Variants in LRRC63 observed in about 807,000 individuals in gnomAD.
LRRC63 encodes leucine-rich repeat-containing protein 63.
A neutral mutation model predicts 49.5 loss-of-function variants in LRRC63; 40 were observed. That is an observed-to-expected ratio of 0.81 (90% CI 0.63 to 1.05). LRRC63 has a LOEUF of 1.05. Among genes scored for constraint, LRRC63 ranks in the 50% least tolerant of loss-of-function variants. LRRC63 has a pLI of 0.00. For missense variants in LRRC63, 636 were observed against 663.1 expected, an observed-to-expected ratio of 0.96 and a Z score of 0.45; for synonymous variants, 191 against 221.1, an observed-to-expected ratio of 0.86 and a Z score of 1.21.
chr13:46,253,215 T>TA (rs915854258), intron 7 of LRRC63, among the ~76,000 whole-genome samples: 42 of 141,256 alleles, frequency 3.0e-4, no homozygotes, highest in East Asian at 1.0e-3. Flanking sequence ...AAAGTCAAAG[T>TA]AAAAAAAAAA....
chr13:46,247,736 T>G (rs1434068313), intron 6 of LRRC63, among the ~76,000 whole-genome samples: 2 of 152,142 alleles, frequency 1.3e-5, no homozygotes, highest in Non-Finnish European at 2.9e-5. Flanking sequence ...ATTCAAATTA[T>G]TACCGATTTC....
At chr13:46,215,382 CAT>C (rs1449183276) in intron 2 of LRRC63, among the ~76,000 whole-genome samples, 4 of 152,066 alleles carry the variant, frequency 2.6e-5, no homozygotes, top group African/African-American at 9.7e-5. Context: ...AGCTTTTTTT[CAT>C]ATGTTTGTTG....
intron 8 of LRRC63, among the ~76,000 whole-genome samples, chr13:46,263,607 C>T (rs577854176): frequency 2.1e-4 from 32 of 152,262 alleles, no homozygotes; most frequent in African/African-American, 7.0e-4. Flanking sequence ...TTCCACTGTT[C>T]GTTGAGACCT....
intron 5 of LRRC63, 83 bp from the exon 6 acceptor site, chr13:46,246,444 G>A (rs1044443397): frequency 1.8e-6 from 1 of 552,866 alleles, no homozygotes. Flanking sequence ...TTCAAATTAT[G>A]TGCTGATTTT....
intron 7 of LRRC63, among the ~76,000 whole-genome samples, chr13:46,253,628 C>T (rs1443348575): frequency 1.3e-5 from 2 of 152,108 alleles, no homozygotes; most frequent in African/African-American, 4.8e-5. Flanking sequence ...AGAGCTTGGA[C>T]TCCTCAAAGG....
chr13:46,241,077 T>C (rs778461986), intron 5 of LRRC63, among the ~76,000 whole-genome samples: 3 of 152,180 alleles, frequency 2.0e-5, no homozygotes, highest in Non-Finnish European at 4.4e-5. Context: ...CTACCTGCCT[T>C]CGTACTATAC....
intron 7 of LRRC63, among the ~76,000 whole-genome samples, chr13:46,251,179 A>G (rs548881297): frequency 1.7e-4 from 26 of 152,058 alleles, no homozygotes; most frequent in African/African-American, 6.3e-4. Flanking sequence ...TTGCAAAATA[A>G]GAGTCTTATC....
chr13:46,223,492 T>G (rs570151794), intron 2 of LRRC63, among the ~76,000 whole-genome samples: 22 of 151,718 alleles, frequency 1.5e-4, no homozygotes, highest in Admixed American at 1.0e-3. Flanking sequence ...TTGTTTTTTT[T>G]TTTTTTTAAT....
Position 46,244,249 on chromosome 13 carries a change from G to A in LRRC63, c.991-2278G>A, listed in dbSNP as rs1213227956. Among the ~76,000 whole-genome samples, 4 of 152,050 alleles carry A rather than the reference G, an allele frequency of 2.6e-5. No individual in the cohort carries two copies. The East Asian group carries it at 7.7e-4, about 29-fold the overall frequency. ...AAGGGGCTAAATGTATATATCTATT[G>A]TAAGGTTCTTTTTTTTTCTTACCCT... On this transcript the variant is annotated intron_variant, in intron 5 of 9. Transcript: ENST00000595396.
intron 2 of LRRC63, among the ~76,000 whole-genome samples, chr13:46,223,188 G>A (rs1300861624): frequency 6.6e-6 from 1 of 151,334 alleles, no homozygotes; most frequent in Non-Finnish European, 1.5e-5. Flanking sequence ...TTGTGCACAT[G>A]TACCCTAAAA....
intron 2 of LRRC63, among the ~76,000 whole-genome samples, chr13:46,223,933 G>A (rs2146887): frequency 0.15 from 22,369 of 152,106 alleles, 2,081 homozygotes; most frequent in African/African-American, 0.26. Context: ...GTCTGATGGG[G>A]TTTCTTTATT....
At chr13:46,252,764 C>A (rs564640102) in intron 7 of LRRC63, among the ~76,000 whole-genome samples, 5 of 151,970 alleles carry the variant, frequency 3.3e-5, no homozygotes, top group African/African-American at 1.2e-4. Flanking sequence ...AAAGTTACAA[C>A]GTATATGAAA....
chr13:46,270,034 T>C (rs2047734851), intron 9 of LRRC63: 2 of 493,598 alleles, frequency 4.1e-6, no homozygotes, highest in South Asian at 4.2e-5. Flanking sequence ...TGCATATCTA[T>C]AATAAAGTTT....
chr13:46,262,192 A>G (rs201609702), intron 8 of LRRC63, among the ~76,000 whole-genome samples, 200 bp downstream of exon 8: 2 of 151,938 alleles, frequency 1.3e-5, no homozygotes, highest in African/African-American at 2.4e-5. Context: ...TATTTAAAGA[A>G]AGTGCAGATG....
chr13:46,227,485 A>T, intron 2 of LRRC63, 27 bp from the exon 3 acceptor site: 3 of 1,348,754 alleles, frequency 2.2e-6, no homozygotes, highest in Non-Finnish European at 3.0e-6. Flanking sequence ...AATATAATTT[A>T]ATTTTTCTTT....
chr13:46,237,589 A>G (rs767067564), intron 5 of LRRC63, among the ~76,000 whole-genome samples: 15 of 152,174 alleles, frequency 9.9e-5, no homozygotes, highest in Non-Finnish European at 1.9e-4. Context: ...GAAGAAAACA[A>G]TAATGATAAG....
chr13:46,228,206 C>T lies in LRRC63; in HGVS notation c.763+17C>T, dbSNP rs2046635040. ...CTGTGATAGGTAAATACAATCTGAA[C>T]ACGGTATAATTATAGAGTCAAGTAG... On this transcript the variant is annotated intron_variant, in intron 3 of 9. Transcript: ENST00000595396. The T allele has an allele frequency of 6.6e-7, 1 of 1,507,618 alleles. No individual in the cohort carries two copies. The highest frequency in any genetic ancestry group is 8.9e-7 in the Non-Finnish European group (1 of 1,120,596). The allele number at this position is 1,507,618 out of a possible 1,614,324, so 93.4% of individuals were successfully genotyped here. A position where few individuals can be genotyped will look rare whatever the true frequency, so the allele number is the denominator to read the frequency against.
intron 9 of LRRC63, among the ~76,000 whole-genome samples, chr13:46,275,566 T>C (rs1160625956): frequency 6.6e-6 from 1 of 152,114 alleles, no homozygotes; most frequent in Non-Finnish European, 1.5e-5. Context: ...CCCTAAATAT[T>C]AGTGATGTTG....
At chr13:46,234,388 T>G (rs1035219562) in intron 5 of LRRC63, 39 bp downstream of exon 5, 4 of 1,520,870 alleles carry the variant, frequency 2.6e-6, no homozygotes, top group Non-Finnish European at 3.5e-6. Context: ...CCTCCTGTAT[T>G]ATCAATTATT....
Sources: gnomAD v4.1 joint callset for allele counts (sites outside exome capture counted in the v4.1 genomes callset) on GRCh38, gnomAD v4.1.1 for gene constraint, MANE v1.5 for transcripts, NCBI Gene and HGNC (gene_info 2026-07-23, HGNC 2026-07-21) for gene names.